NXN: variants seen among roughly 807,000 people sequenced by gnomAD.
NXN encodes the protein nucleoredoxin.
NXN carries 16 observed loss-of-function variants against 48.6 expected under a neutral mutation model. The ratio of observed to expected loss-of-function variants is 0.33; its 90% CI spans 0.22 to 0.50. NXN has a LOEUF of 0.50. NXN is among the 20% of genes least tolerant of loss of function. The pLI, the probability that NXN is intolerant of heterozygous loss-of-function variation, is 0.98. For synonymous variants in NXN, 281 were observed against 269.6 expected (o/e 1.04, Z -0.41); for missense variants, 492 against 605.5 (o/e 0.81, Z 1.97).
At chr17:890,427 G>A (rs1480781927) in intron 1 of NXN, among the ~76,000 whole-genome samples, 1 of 152,058 alleles carries the variant, frequency 6.6e-6, no homozygotes, top group African/African-American at 2.4e-5. Context: ...AGGCTGGAGT[G>A]CAGTGACACA....
At chr17:923,107 T>A (rs2068764973) in intron 1 of NXN, among the ~76,000 whole-genome samples, 1 of 152,144 alleles carries the variant, frequency 6.6e-6, no homozygotes, top group Non-Finnish European at 1.5e-5. Context: ...CTTGACAGCA[T>A]TATCCACGAG....
intron 1 of NXN, among the ~76,000 whole-genome samples, chr17:913,313 C>A (rs547300081): frequency 6.6e-6 from 1 of 152,178 alleles, no homozygotes; most frequent in East Asian, 1.9e-4. Context: ...ATCCACAGAG[C>A]ACCCCCACAG....
intron 1 of NXN, among the ~76,000 whole-genome samples, chr17:924,634 C>T (rs1177986401): frequency 6.6e-6 from 1 of 152,218 alleles, no homozygotes; most frequent in African/African-American, 2.4e-5. Flanking sequence ...GGTGCATCTC[C>T]TGTTCTGCTA....
At chr17:915,507 A>G (rs2068679761) in intron 1 of NXN, among the ~76,000 whole-genome samples, 1 of 148,620 alleles carries the variant, frequency 6.7e-6, no homozygotes, top group African/African-American at 2.5e-5. Flanking sequence ...CTGGTCTCAA[A>G]CTCTTGGGCT....
rs912799314 is a variant in NXN, at chr17:909,632, G to C, written c.360+69687C>G. On this transcript the variant is annotated intron_variant, in intron 1 of 7. Coordinates refer to ENST00000336868, the MANE Select transcript of NXN (RefSeq NM_022463.5). Reference sequence around the variant, plus strand: ...CCGCTCACTGCAACCTCTGCCTCCCGGGTTCACGCCATTCTCCTGCCTCAG... The same window carrying C: ...CCGCTCACTGCAACCTCTGCCTCCCCGGTTCACGCCATTCTCCTGCCTCAG... 3.3e-5 allele frequency: 5 copies of C among 149,356 alleles called. No homozygotes were observed. In the Admixed American group the frequency reaches 3.4e-4, roughly 10 times the overall value. The allele number at this position is 149,356 out of a possible 1,614,324, so 9.3% of individuals were successfully genotyped here. A position where few individuals can be genotyped will look rare whatever the true frequency, so the allele number is the denominator to read the frequency against.
Position 830,213 on chromosome 17 carries a change from G to A in NXN, c.361-4135C>T, listed in dbSNP as rs547615580. ...CTGAAAGTGATTCAGCAGATATTAA[G>A]TGAGCGCCCACTGTGTGCCAGGCTC... On this transcript the variant is annotated intron_variant, in intron 1 of 7. Transcript: ENST00000336868. The surrounding 1 kb of genome is among the most constrained non-coding windows in gnomAD (Gnocchi z 4.2). Among the ~76,000 whole-genome samples the A allele has an allele frequency of 6.6e-6, 1 of 152,344 alleles. No individual in the cohort carries two copies. Among genetic ancestry groups the A allele is most frequent in the African/African-American group, 2.4e-5 (1 of 41,582 alleles).
At chr17:833,547 A>G (rs1015693750) in intron 1 of NXN, among the ~76,000 whole-genome samples, 1 of 152,212 alleles carries the variant, frequency 6.6e-6, no homozygotes, top group Non-Finnish European at 1.5e-5. Context: ...CTCTGAAAAC[A>G]GCGGTTTCAT....
Position 891,924 on chromosome 17 carries a change from C to T in NXN, c.361-65846G>A, listed in dbSNP as rs866209939. Among the ~76,000 whole-genome samples, 188 of 119,396 alleles carry T rather than the reference C, an allele frequency of 1.6e-3. 1 individual carries two copies. Among genetic ancestry groups the T allele is most frequent in the South Asian group, 3.8e-3 (10 of 2,630 alleles). The allele number at this position is 119,396 out of a possible 152,430, so 78.3% of individuals were successfully genotyped here. On this transcript the variant is annotated intron_variant, in intron 1 of 7. Transcript: ENST00000336868. Reference sequence around the variant, plus strand: ...GGGAACCTAAACTAACCCCACCATGCACAACCCAACAGGGAACCTAAACTA... The same window carrying T: ...GGGAACCTAAACTAACCCCACCATGTACAACCCAACAGGGAACCTAAACTA...
chr17:912,976 G>A (rs1478714231), intron 1 of NXN, among the ~76,000 whole-genome samples: 5 of 151,748 alleles, frequency 3.3e-5, no homozygotes, highest in African/African-American at 9.7e-5. Flanking sequence ...AGGAAAGGAC[G>A]GAAAAAAGAA....
chr17:835,079 C>T (rs79278916), intron 1 of NXN, among the ~76,000 whole-genome samples: 14,666 of 150,868 alleles, frequency 0.097, 928 homozygotes, highest in East Asian at 0.33. Context: ...GAGGCCGAGG[C>T]GGGCGGATCA....
At chr17:928,185 G>A (rs2068820219) in intron 1 of NXN, among the ~76,000 whole-genome samples, 1 of 152,098 alleles carries the variant, frequency 6.6e-6, no homozygotes, top group African/African-American at 2.4e-5. Context: ...GCAAAGTGGG[G>A]GTCTCAAGAG....
At chr17:896,860 C>CGCGG in intron 1 of NXN, 3 of 566,098 alleles carry the variant, frequency 5.3e-6, no homozygotes, top group Non-Finnish European at 8.2e-6. Context: ...CCTGACCACC[C>CGCGG]GCCCCCGGCC....
chr17:902,392 C>T (rs909448814), intron 1 of NXN, among the ~76,000 whole-genome samples: 4 of 152,158 alleles, frequency 2.6e-5, no homozygotes, highest in African/African-American at 9.6e-5. Context: ...ACCTGAAAAT[C>T]ACGGTGAAGG....
At chr17:836,845 G>A (rs1380897928) in intron 1 of NXN, among the ~76,000 whole-genome samples, 1 of 152,126 alleles carries the variant, frequency 6.6e-6, no homozygotes, top group Non-Finnish European at 1.5e-5. Flanking sequence ...TCATTCTGTG[G>A]CCCAGGCAAA....
intron 1 of NXN, among the ~76,000 whole-genome samples, chr17:942,346 G>A (rs373182654): frequency 0.56 from 7,168 of 12,898 alleles, 2,134 homozygotes; most frequent in East Asian, 0.76. Context: ...AGATTCCAGG[G>A]TGCAGCCATG....
chr17:971,028 C>A (rs1273042201), intron 1 of NXN, among the ~76,000 whole-genome samples: 1 of 149,556 alleles, frequency 6.7e-6, no homozygotes, highest in Non-Finnish European at 1.5e-5. Flanking sequence ...CTCAATGCAA[C>A]CTCCGCCTCC....
intron 1 of NXN, among the ~76,000 whole-genome samples, chr17:880,968 G>A (rs1311023630): frequency 3.3e-5 from 5 of 152,154 alleles, no homozygotes; most frequent in African/African-American, 4.8e-5. Context: ...CTCTGCAAAC[G>A]TCTCCTTCCC....
At chr17:855,938 T>C (rs1333926450) in intron 1 of NXN, among the ~76,000 whole-genome samples, 1 of 152,084 alleles carries the variant, frequency 6.6e-6, no homozygotes, top group Non-Finnish European at 1.5e-5. Context: ...CTCGCACCTG[T>C]AATCCCAGCA....
intron 1 of NXN, among the ~76,000 whole-genome samples, chr17:885,981 C>T (rs1303605260): frequency 2.6e-5 from 4 of 152,060 alleles, no homozygotes; most frequent in Non-Finnish European, 5.9e-5. Flanking sequence ...AGCCACCGCG[C>T]CCAGCTGTGG....
Sources: allele counts gnomAD v4.1 joint callset (sites outside exome capture counted in the v4.1 genomes callset), GRCh38; gene constraint gnomAD v4.1.1; non-coding constraint Gnocchi (gnomAD v3.1); transcripts MANE v1.5; gene names NCBI Gene and HGNC (gene_info 2026-07-23, HGNC 2026-07-21).